DMAP1: variants seen among roughly 807,000 people sequenced by gnomAD.
DMAP1 encodes the protein DNA methyltransferase 1-associated protein 1.
A neutral mutation model predicts 52.7 loss-of-function variants in DMAP1; 26 were observed. The observed-to-expected ratio is 0.49, with a 90% CI of 0.36 to 0.68. The LOEUF (loss-of-function observed/expected upper bound fraction) is 0.68. Ranked by LOEUF, DMAP1 falls within the 30% of genes least tolerant of loss-of-function variation. DMAP1 has a pLI of 0.00. For synonymous variants in DMAP1, 231 were observed against 246.0 expected (o/e 0.94, Z 0.57); for missense variants, 439 against 625.2 (o/e 0.70, Z 3.18).
In DMAP1 at chr1:44,218,270, T is replaced by C; in HGVS notation, c.394-41T>C. The C allele has an allele frequency of 6.2e-7, 1 of 1,614,104 alleles. No individual in the cohort carries two copies. Among genetic ancestry groups the C allele is most frequent in the South Asian group, 1.1e-5 (1 of 91,074 alleles). On this transcript the variant is annotated intron_variant, in intron 3 of 9. Transcript: ENST00000372289. This position sits in a 1 kb window ranked among gnomAD's most constrained non-coding sequence, Gnocchi z 5.6. ...GGCCTGGAGCCTGCTGGACATGACA[T>C]CATGCGGGCATGCCCCTACTGTGTC...
chr1:44,218,117 C>T lies in DMAP1; in HGVS notation c.394-194C>T. 1 of 700,196 alleles carries T rather than the reference C, an allele frequency of 1.4e-6. No individual in the cohort carries two copies. Among genetic ancestry groups the T allele is most frequent in the Non-Finnish European group, 2.5e-6 (1 of 394,440 alleles). 43.4% of individuals were successfully genotyped at this position (700,196 alleles called of 1,614,324 possible). ...CAGTGAAGTTGATCCTGGAATAAAT[C>T]AGAGGCAGGCTACAGTCCCAAACCC... On this transcript the variant is annotated intron_variant, in intron 3 of 9. Coordinates refer to ENST00000372289, the MANE Select transcript of DMAP1 (RefSeq NM_019100.5). This position sits in a 1 kb window ranked among gnomAD's most constrained non-coding sequence, Gnocchi z 5.6.
chr1:44,214,335 G>C lies in DMAP1; in HGVS notation c.106-15G>C, dbSNP rs766544555. 3.7e-6 allele frequency: 6 copies of C among 1,612,454 alleles called. No homozygotes were observed. The East Asian group carries it at 1.3e-4, about 36-fold the overall frequency. ...GGTCTAGGTTGTGGTTCCTTTCTGTGGTTTCCTTCCTCAGAAAAAATCCAA... is the reference window on the plus strand; with the variant it reads ...GGTCTAGGTTGTGGTTCCTTTCTGTCGTTTCCTTCCTCAGAAAAAATCCAA... On this transcript the variant is annotated splice_polypyrimidine_tract_variant and intron_variant, in intron 1 of 9. Coordinates refer to ENST00000372289, the MANE Select transcript of DMAP1 (RefSeq NM_019100.5).
rs760824055 is a variant in DMAP1 at position 44,219,524 on chromosome 1, C to G, written c.978+47C>G. ...GCAAGTTTGGGTCCTGGGCTCTGCTCTGGGCTCCATGTGTCCCAAACGCTG... is the reference window on the plus strand; with the variant it reads ...GCAAGTTTGGGTCCTGGGCTCTGCTGTGGGCTCCATGTGTCCCAAACGCTG... On this transcript the variant is annotated intron_variant, in intron 7 of 9. Coordinates refer to ENST00000372289, the MANE Select transcript of DMAP1 (RefSeq NM_019100.5). 6 of 1,517,822 alleles carry G rather than the reference C, an allele frequency of 4.0e-6. No individual in the cohort carries two copies. In the Admixed American group the frequency reaches 1.3e-4, roughly 33 times the overall value. 94.0% of individuals were successfully genotyped at this position (1,517,822 alleles called of 1,614,324 possible).
chr1:44,215,594 G>A (rs1054917157), intron 3 of DMAP1: 3 of 322,214 alleles, frequency 9.3e-6, no homozygotes, highest in Non-Finnish European at 1.8e-5. Context: ...GAATGGATAT[G>A]AAATGAGATA....
At position 44,214,899 on chromosome 1, in the gene DMAP1, G is replaced by GT; in HGVS notation, c.393+2dup. ...CTACCCCTTTGCCAGGTTCAATAAGGTAAGCTACCTTCATTCGGACACAGG... is the reference window on the plus strand; with the variant it reads ...CTACCCCTTTGCCAGGTTCAATAAGGTTAAGCTACCTTCATTCGGACACAGG... On this transcript the variant is annotated splice_donor_variant, in intron 3 of 9. Transcript: ENST00000372289. LOFTEE classifies it high-confidence loss of function. 1 of 1,614,126 alleles carries GT rather than the reference G, an allele frequency of 6.2e-7. No individual in the cohort carries two copies. The highest frequency in any genetic ancestry group is 8.5e-7 in the Non-Finnish European group (1 of 1,180,030).
In DMAP1 at chr1:44,218,520, CCTA is replaced by C; in HGVS notation, c.552+54_552+56del. The stretch of plus-strand genomic sequence containing the variant: ...TGCCCAGCTTCTGGGTCTAGCAGGC[CCTA>C]CTTTTATGCCATCTCTTCCACATGC... On this transcript the variant is annotated intron_variant, in intron 4 of 9. Coordinates refer to ENST00000372289, the MANE Select transcript of DMAP1 (RefSeq NM_019100.5). The surrounding 1 kb of genome is among the most constrained non-coding windows in gnomAD (Gnocchi z 5.6). 5 of 1,609,572 alleles carry C rather than the reference CCTA, an allele frequency of 3.1e-6. No individual in the cohort carries two copies. The highest frequency in any genetic ancestry group is 1.7e-4 in the Middle Eastern group (1 of 6,044).
intron 9 of DMAP1, 51 bp from the exon 10 acceptor site, chr1:44,220,508 G>C (rs1643881808): frequency 6.2e-7 from 1 of 1,614,022 alleles, no homozygotes; most frequent in Non-Finnish European, 8.5e-7. Flanking sequence ...CACTAAGCCT[G>C]ACTCAGGCCT....
chr1:44,213,698 T>G lies in DMAP1; in HGVS notation c.-56T>G. The G allele has an allele frequency of 6.6e-7, 1 of 1,512,150 alleles. No individual in the cohort carries two copies. The highest frequency in any genetic ancestry group is 9.0e-7 in the Non-Finnish European group (1 of 1,112,010). 93.7% of individuals were successfully genotyped at this position (1,512,150 alleles called of 1,614,324 possible). A position where few individuals can be genotyped will look rare whatever the true frequency, so the allele number is the denominator to read the frequency against. ...GCCCCGCCCCCTGACCTGAGCCTGG[T>G]CCTTCTTCAGGCACTGACCCTTGAC... On this transcript the variant is annotated 5_prime_UTR_variant, in exon 1 of 10. Transcript: ENST00000372289. This position sits in a 1 kb window ranked among gnomAD's most constrained non-coding sequence, Gnocchi z 4.5.
intron 3 of DMAP1, 97 bp downstream of exon 3, chr1:44,214,995 C>T (rs775321712): frequency 1.5e-5 from 20 of 1,377,840 alleles, no homozygotes; most frequent in Admixed American, 1.9e-5. Flanking sequence ...TCTGGGGGCA[C>T]GCTTATGCCC....
rs1351203253 is a variant in DMAP1 at position 44,219,193 on chromosome 1, C to A, written c.858C>A (p.Arg286=). ...DTTAEQRRTE[R]KAPKKKLPQK... ...CTGCAGAGCAGCGGCGCACGGAACG[C>A]AAGGCCCCCAAAAAGAAGCTACCCC... Residue 286 remains arginine, a synonymous_variant, in exon 6 of 10, where the codon CGC becomes CGA. Coordinates refer to ENST00000372289, the MANE Select transcript of DMAP1 (RefSeq NM_019100.5). 21 of 1,613,784 alleles carry A rather than the reference C, an allele frequency of 1.3e-5. No individual in the cohort carries two copies. The highest frequency in any genetic ancestry group is 1.8e-5 in the Non-Finnish European group (21 of 1,179,978).
chr1:44,215,728 CAT>C (rs1325212881), intron 3 of DMAP1: 1 of 184,522 alleles, frequency 5.4e-6, no homozygotes, highest in Non-Finnish European at 1.2e-5. Flanking sequence ...ATTCTTTTTC[CAT>C]AATAAATCAC....
At chr1:44,219,513 TG>T (rs1296191579) in intron 7 of DMAP1, 36 bp downstream of exon 7, 2 of 1,537,598 alleles carry the variant, frequency 1.3e-6, no homozygotes, top group Non-Finnish European at 1.7e-6. Flanking sequence ...GTTTGGGTCC[TG>T]GGCTCTGCTC....
chr1:44,220,471 C>T, intron 9 of DMAP1, 88 bp from the exon 10 acceptor site: 1 of 1,609,298 alleles, frequency 6.2e-7, no homozygotes, highest in Admixed American at 1.7e-5. Context: ...AGTGGGCGTC[C>T]TTGTCCCTGA....
In DMAP1 at chr1:44,218,864, T is replaced by TA. The variant is rs374858638; in HGVS notation, c.720+110dup. ...CCCAGGTCCCCCTGCCTCCCACTGA[T>TA]ACCTTATTAACTGCCCCAAGCCCAT... On this transcript the variant is annotated intron_variant, in intron 5 of 9. Coordinates refer to ENST00000372289, the MANE Select transcript of DMAP1 (RefSeq NM_019100.5). This position sits in a 1 kb window ranked among gnomAD's most constrained non-coding sequence, Gnocchi z 5.6. 384 of 1,471,430 alleles carry TA rather than the reference T, an allele frequency of 2.6e-4. 3 individuals carry two copies. In the East Asian group the frequency reaches 8.7e-3, roughly 33 times the overall value. The allele number at this position is 1,471,430 out of a possible 1,614,324, so 91.1% of individuals were successfully genotyped here. A position where few individuals can be genotyped will look rare whatever the true frequency, so the allele number is the denominator to read the frequency against.
At chr1:44,217,899 C>CCACTGGGCA (rs1643826805) in intron 3 of DMAP1, 4 of 287,394 alleles carry the variant, frequency 1.4e-5, no homozygotes, top group Non-Finnish European at 1.4e-5. Flanking sequence ...CCCACTGTGC[C>CCACTGGGCA]CACTGGGTGG....
In DMAP1 at chr1:44,213,671, T is replaced by C. The variant is rs1418524819; in HGVS notation, c.-83T>C. The C allele has an allele frequency of 1.1e-5, 14 of 1,305,830 alleles. No individual in the cohort carries two copies. The highest frequency in any genetic ancestry group is 6.1e-5 in the Admixed American group (3 of 49,084). The allele number at this position is 1,305,830 out of a possible 1,614,324, so 80.9% of individuals were successfully genotyped here. Reference sequence around the variant, plus strand: ...AACTCGCCTCCGCTTAGGTCTGGATTGGCCCCGCCCCCTGACCTGAGCCTG... The same window carrying C: ...AACTCGCCTCCGCTTAGGTCTGGATCGGCCCCGCCCCCTGACCTGAGCCTG... On this transcript the variant is annotated 5_prime_UTR_variant, in exon 1 of 10. Coordinates refer to ENST00000372289, the MANE Select transcript of DMAP1 (RefSeq NM_019100.5). The surrounding 1 kb of genome is among the most constrained non-coding windows in gnomAD (Gnocchi z 4.5).
In DMAP1 at chr1:44,218,631, G is replaced by A; in HGVS notation, c.596G>A (p.Cys199Tyr). ...EDLKERYYHI[C>Y]AKLANVRAVP... ...CTGAAGGAGCGGTACTACCACATCT[G>A]TGCTAAGCTTGCCAACGTGCGGGCT... The change falls in exon 5 of 10, where the codon TGT becomes TAT. Residue 199 changes from cysteine to tyrosine, a missense_variant. Cys to Tyr is a radical substitution (Grantham distance 194, BLOSUM62 -2). Around this residue, in one of 3 missense-constraint regions of DMAP1, gnomAD observed 142 missense variants for 149.5 expected, o/e 0.95. Transcript: ENST00000372289. This position sits in a 1 kb window ranked among gnomAD's most constrained non-coding sequence, Gnocchi z 5.6. 1 of 1,613,808 alleles carries A rather than the reference G, an allele frequency of 6.2e-7. No homozygotes were observed. Among genetic ancestry groups the A allele is most frequent in the South Asian group, 1.1e-5 (1 of 91,066 alleles).
At chr1:44,219,637 C>A in intron 7 of DMAP1, 160 bp downstream of exon 7, 2 of 1,153,052 alleles carry the variant, frequency 1.7e-6, no homozygotes, top group Non-Finnish European at 2.5e-6. Context: ...AGGCTAAGGT[C>A]ATAGCAGCTT....
In DMAP1 at chr1:44,219,162, A is replaced by C; in HGVS notation, c.827A>C (p.Asp276Ala). 6.2e-7 allele frequency: 1 copy of C among 1,614,248 alleles called. No homozygotes were observed. ...CTGCAGAAGCTGATCACAGCGGCAG[A>C]CACCACTGCAGAGCAGCGGCGCACG... ...QDLQKLITAA[D>A]TTAEQRRTER... is the part of the protein sequence containing the mutation. Residue 276 changes from aspartate to alanine, a missense_variant, in exon 6 of 10, where the codon GAC (aspartate) becomes GCC (alanine). Around this residue, in one of 3 missense-constraint regions of DMAP1, gnomAD observed 179 missense variants for 285.9 expected, o/e 0.63. Transcript: ENST00000372289.
Sources: gnomAD v4.1 joint callset for allele counts on GRCh38, gnomAD v4.1.1 for gene constraint, gnomAD v4.1.1 regional missense constraint, Gnocchi (gnomAD v3.1) non-coding constraint, MANE v1.5 for transcripts, NCBI Gene and HGNC (gene_info 2026-07-23, HGNC 2026-07-21) for gene names.